CAMTA1: variants seen among roughly 807,000 people sequenced by gnomAD.
CAMTA1 encodes the protein calmodulin binding transcription activator 1, also known as calmodulin-binding transcription activator 1.
Under a neutral mutation model 170.9 loss-of-function variants are expected in CAMTA1, and 27 were observed. The observed-to-expected ratio is 0.16, with a 90% confidence interval of 0.12 to 0.22. The LOEUF is 0.22. Among genes scored for constraint, CAMTA1 ranks in the 10% least tolerant of loss-of-function variants. The probability of loss-of-function intolerance (pLI) is 1.00; values close to 1 mark genes in which losing one functional copy is unlikely to be tolerated. For missense variants in CAMTA1, 1,619 were observed against 2,217.2 expected, an observed-to-expected ratio of 0.73 and a Z score of 5.42; for synonymous variants, 833 against 891.5, an observed-to-expected ratio of 0.93 and a Z score of 1.17.
chr1:7,034,053 T>G (rs1260405446), intron 3 of CAMTA1, among the ~76,000 whole-genome samples: 1 of 152,252 alleles, frequency 6.6e-6, no homozygotes, highest in Non-Finnish European at 1.5e-5. Flanking sequence ...GGTAAAACTC[T>G]ACTGAGTACT....
intron 1 of CAMTA1, among the ~76,000 whole-genome samples, chr1:6,802,353 ACTCCT>A (rs1462533834): frequency 1.3e-5 from 2 of 151,542 alleles, no homozygotes; most frequent in African/African-American, 2.4e-5. Flanking sequence ...TATTGGACTG[ACTCCT>A]CTCAGCCATT....
chr1:7,569,671 C>T (rs1222394911), intron 6 of CAMTA1, among the ~76,000 whole-genome samples: 1 of 147,638 alleles, frequency 6.8e-6, no homozygotes, highest in Non-Finnish European at 1.5e-5. Flanking sequence ...ATTACTATTA[C>T]CATCACTACC....
chr1:7,028,549 G>A (rs982696260), intron 3 of CAMTA1, among the ~76,000 whole-genome samples: 3 of 152,114 alleles, frequency 2.0e-5, no homozygotes, highest in Non-Finnish European at 2.9e-5. Flanking sequence ...CCATGAATCC[G>A]AGACCTGCTT....
chr1:6,797,480 T>C (rs1642810883), intron 1 of CAMTA1, among the ~76,000 whole-genome samples: 1 of 151,800 alleles, frequency 6.6e-6, no homozygotes, highest in South Asian at 2.1e-4. Flanking sequence ...CTGCCTCCTG[T>C]GTTCAAGCAA....
chr1:7,710,709 C>T (rs1478670526), intron 11 of CAMTA1, among the ~76,000 whole-genome samples: 3 of 151,888 alleles, frequency 2.0e-5, no homozygotes, highest in Non-Finnish European at 4.4e-5. Context: ...ATTAGGCCTC[C>T]CCCATTGCCC....
In CAMTA1 at chr1:7,496,497, C is replaced by T. The variant is rs2093829621; in HGVS notation, c.510+28596C>T. On this transcript the variant is annotated intron_variant, in intron 6 of 22. Coordinates refer to ENST00000303635, the MANE Select transcript of CAMTA1 (RefSeq NM_015215.4). ...CATGCGTGCCCAGGTCCTCCTGCAG[C>T]AGACAGGGCGGACATGGGCTCTGCT... Among the ~76,000 whole-genome samples the T allele has an allele frequency of 2.0e-5, 3 of 152,208 alleles. No homozygotes were observed. In the South Asian group the frequency reaches 6.2e-4, roughly 31 times the overall value.
chr1:7,485,006 G>A (rs1009686967), intron 6 of CAMTA1, among the ~76,000 whole-genome samples: 2 of 152,000 alleles, frequency 1.3e-5, no homozygotes, highest in Non-Finnish European at 2.9e-5. Flanking sequence ...ACCGGCCCAC[G>A]CTCACCATGG....
chr1:7,311,603 T>G (rs968279361), intron 5 of CAMTA1, among the ~76,000 whole-genome samples: 1 of 58,650 alleles, frequency 1.7e-5, no homozygotes, highest in Non-Finnish European at 4.6e-5. Context: ...AAAGTTGAGT[T>G]TTTTTTTTCT....
At chr1:7,329,778 G>C (rs919355273) in intron 5 of CAMTA1, among the ~76,000 whole-genome samples, 1 of 152,288 alleles carries the variant, frequency 6.6e-6, no homozygotes, top group Middle Eastern at 3.4e-3. Flanking sequence ...TAATGCTAAG[G>C]CTTGCAAAAC....
rs79028754 is a variant in CAMTA1, at chr1:7,589,522, C to T, written c.511-50878C>T. Among the ~76,000 whole-genome samples the T allele has an allele frequency of 4.5e-3, 680 of 152,314 alleles. 5 individuals are homozygous for T. Among genetic ancestry groups the T allele is most frequent in the African/African-American group, 0.016 (660 of 41,554 alleles). On this transcript the variant is annotated intron_variant, in intron 6 of 22. Transcript: ENST00000303635. ...CAGCGCTTGTGGCTTGACGGCTTGACGCATGGTGTCCGTCATTCTGTGCAG... is the reference window on the plus strand; with the variant it reads ...CAGCGCTTGTGGCTTGACGGCTTGATGCATGGTGTCCGTCATTCTGTGCAG...
At chr1:7,247,349 CCT>C (rs1395365434) in intron 4 of CAMTA1, among the ~76,000 whole-genome samples, 2 of 152,160 alleles carry the variant, frequency 1.3e-5, no homozygotes, top group Non-Finnish European at 2.9e-5. Flanking sequence ...TTGAGAGAGT[CCT>C]CTCTCTGTGG....
At chr1:7,489,381 G>A (rs2093668720) in intron 6 of CAMTA1, among the ~76,000 whole-genome samples, 1 of 152,246 alleles carries the variant, frequency 6.6e-6, no homozygotes. Context: ...AGGCATGGCT[G>A]ATTTGAGGCA....
At chr1:7,214,612 C>T (rs979019591) in intron 4 of CAMTA1, among the ~76,000 whole-genome samples, 5 of 152,156 alleles carry the variant, frequency 3.3e-5, no homozygotes, top group African/African-American at 2.4e-5. Flanking sequence ...GTGATCCACC[C>T]GCCTTTGCCT....
intron 6 of CAMTA1, among the ~76,000 whole-genome samples, chr1:7,566,146 T>A (rs1576104295): frequency 6.6e-6 from 1 of 151,710 alleles, no homozygotes; most frequent in Non-Finnish European, 1.5e-5. Flanking sequence ...AAGATGGAGG[T>A]TTTCCTGGAT....
At chr1:7,256,010 G>A (rs1050102447) in intron 5 of CAMTA1, among the ~76,000 whole-genome samples, 1 of 152,102 alleles carries the variant, frequency 6.6e-6, no homozygotes, top group Non-Finnish European at 1.5e-5. Context: ...GGCACCTCAG[G>A]GAATCTCCCG....
intron 5 of CAMTA1, among the ~76,000 whole-genome samples, chr1:7,260,986 G>C (rs1313989693): frequency 6.6e-6 from 1 of 152,212 alleles, no homozygotes; most frequent in African/African-American, 2.4e-5. Flanking sequence ...CTGGTTTGCA[G>C]CTTAATGATT....
intron 4 of CAMTA1, among the ~76,000 whole-genome samples, chr1:7,117,600 A>C (rs952051306): frequency 2.0e-5 from 3 of 152,138 alleles, no homozygotes; most frequent in African/African-American, 7.2e-5. Flanking sequence ...ACGTTTAATA[A>C]CTGGCTCCCC....
chr1:7,492,812 CGCACAG>C (rs1557805339), intron 6 of CAMTA1, among the ~76,000 whole-genome samples: 1 of 144,880 alleles, frequency 6.9e-6, no homozygotes, highest in African/African-American at 2.7e-5. Flanking sequence ...TACACATGCG[CGCACAG>C]ACACACAAAC....
chr1:7,678,122 G>T (rs2096142043), intron 11 of CAMTA1, among the ~76,000 whole-genome samples: 1 of 152,214 alleles, frequency 6.6e-6, no homozygotes, highest in South Asian at 2.1e-4. Context: ...TGTTTCCGCG[G>T]GCTCCTGGAA....
Sources: allele counts gnomAD v4.1 joint callset (sites outside exome capture counted in the v4.1 genomes callset), GRCh38; gene constraint gnomAD v4.1.1; transcripts MANE v1.5; gene names NCBI Gene and HGNC (gene_info 2026-07-23, HGNC 2026-07-21).